The following TENM4 variants were observed in gnomAD, a reference collection of about 807,000 sequenced individuals.
The protein encoded by TENM4 is teneurin-4.
In TENM4, 82 loss-of-function variants were observed where a neutral mutation model predicts 243.3. That is an observed-to-expected ratio of 0.34 (90% CI 0.28 to 0.40). The LOEUF is 0.40. Ranked by LOEUF, TENM4 falls within the 10% of genes least tolerant of loss-of-function variation. TENM4 has a pLI of 1.00. For missense variants in TENM4, 3,138 were observed against 3,673.3 expected (o/e 0.85, Z 3.77); for synonymous variants, 1,412 against 1,456.3 (o/e 0.97, Z 0.69).
intron 1 of TENM4, among the ~76,000 whole-genome samples, chr11:79,389,776 C>T (rs1158131213): frequency 6.6e-6 from 1 of 152,150 alleles, no homozygotes; most frequent in Non-Finnish European, 1.5e-5. Context: ...AGACCTGTGT[C>T]ACAAAAAAGT....
intron 33 of TENM4, among the ~76,000 whole-genome samples, chr11:78,660,032 C>T (rs1565318339): frequency 6.6e-6 from 1 of 152,232 alleles, no homozygotes; most frequent in Non-Finnish European, 1.5e-5. Context: ...ATCAATAATT[C>T]ATTGACAGGC....
chr11:78,810,423 A>G (rs886094521), intron 14 of TENM4, among the ~76,000 whole-genome samples: 4 of 152,026 alleles, frequency 2.6e-5, no homozygotes, highest in Middle Eastern at 3.2e-3. Context: ...CCCACACAAC[A>G]TGGGTGGGAT....
intron 4 of TENM4, among the ~76,000 whole-genome samples, chr11:79,133,516 C>T (rs1282408857): frequency 6.6e-6 from 1 of 152,058 alleles, no homozygotes; most frequent in Non-Finnish European, 1.5e-5. Flanking sequence ...GCCAGCACCA[C>T]CCTAACCCAA....
intron 2 of TENM4, among the ~76,000 whole-genome samples, chr11:79,294,330 A>C (rs541399354): frequency 4.6e-5 from 7 of 152,306 alleles, no homozygotes; most frequent in African/African-American, 1.7e-4. Flanking sequence ...GGCTGAAAGA[A>C]ACAAGGCTAC....
chr11:78,888,911 G>A (rs1436650966), intron 9 of TENM4, among the ~76,000 whole-genome samples: 1 of 152,182 alleles, frequency 6.6e-6, no homozygotes, highest in African/African-American at 2.4e-5. Flanking sequence ...CCCTTCCAAT[G>A]CCTTTACTAA....
chr11:79,440,516 G>C lies in TENM4; in HGVS notation c.-328C>G, dbSNP rs1238954341. ...CGGATCACGCCGCCTTACCGTGGCT[G>C]CAGGCTGCTACCGCCGGGGAAGCGG... On this transcript the variant is annotated 5_prime_UTR_variant, in exon 1 of 34. Transcript: ENST00000278550. The surrounding 1 kb of genome is among the most constrained non-coding windows in gnomAD (Gnocchi z 4.7). 2 of 152,200 alleles carry C rather than the reference G, an allele frequency of 1.3e-5. No homozygotes were observed. The highest frequency in any genetic ancestry group is 2.9e-5 in the Non-Finnish European group (2 of 68,076). 9.4% of individuals were successfully genotyped at this position (152,200 alleles called of 1,614,324 possible). A position where few individuals can be genotyped will look rare whatever the true frequency, so the allele number is the denominator to read the frequency against.
At chr11:79,140,050 C>G (rs1202990410) in intron 4 of TENM4, among the ~76,000 whole-genome samples, 1 of 151,440 alleles carries the variant, frequency 6.6e-6, no homozygotes, top group East Asian at 2.0e-4. Context: ...CTGGACACTC[C>G]TTGTCAGGGC....
At chr11:78,709,375 T>G (rs942181967) in intron 26 of TENM4, among the ~76,000 whole-genome samples, 3 of 152,148 alleles carry the variant, frequency 2.0e-5, no homozygotes, top group African/African-American at 7.2e-5. Flanking sequence ...TTGAATTGAA[T>G]TTCTAAAGGC....
chr11:79,307,451 C>G (rs775959418), intron 1 of TENM4, among the ~76,000 whole-genome samples: 1 of 152,152 alleles, frequency 6.6e-6, no homozygotes, highest in Non-Finnish European at 1.5e-5. Context: ...ATCTTTGAGT[C>G]CTGCTGGTTC....
intron 2 of TENM4, among the ~76,000 whole-genome samples, chr11:79,286,149 T>C (rs1856246522): frequency 6.6e-6 from 1 of 152,100 alleles, no homozygotes; most frequent in Non-Finnish European, 1.5e-5. Context: ...TGAAAGGTGA[T>C]TGTATTTCTG....
At chr11:78,847,156 G>C (rs1276809374) in intron 12 of TENM4, among the ~76,000 whole-genome samples, 1 of 152,210 alleles carries the variant, frequency 6.6e-6, no homozygotes, top group East Asian at 1.9e-4. Context: ...CAAAAAGTGT[G>C]CACCAGAACA....
chr11:79,116,724 A>G (rs1861630257), intron 4 of TENM4, among the ~76,000 whole-genome samples: 1 of 152,218 alleles, frequency 6.6e-6, no homozygotes, highest in Non-Finnish European at 1.5e-5. Context: ...AATCTGTGGG[A>G]GTCCGAAATA....
At chr11:79,169,931 T>C (rs1054656999) in intron 3 of TENM4, among the ~76,000 whole-genome samples, 7 of 152,192 alleles carry the variant, frequency 4.6e-5, no homozygotes, top group East Asian at 1.9e-4. Flanking sequence ...ACAGATTAAT[T>C]TGGAAAAAAT....
chr11:79,425,768 T>G (rs1859035499), intron 1 of TENM4, among the ~76,000 whole-genome samples: 1 of 152,194 alleles, frequency 6.6e-6, no homozygotes, highest in South Asian at 2.1e-4. Context: ...CTCTTTGGTC[T>G]CTGCCTGCCT....
intron 18 of TENM4, among the ~76,000 whole-genome samples, chr11:78,758,594 C>A (rs1036916227): frequency 1.5e-4 from 23 of 152,208 alleles, no homozygotes; most frequent in African/African-American, 5.5e-4. Context: ...AGAAGCTGCC[C>A]ACCAAAGTAC....
At chr11:79,073,217 C>T (rs1206322498) in intron 4 of TENM4, among the ~76,000 whole-genome samples, 5 of 152,180 alleles carry the variant, frequency 3.3e-5, no homozygotes, top group African/African-American at 1.2e-4. Context: ...CCCTGCTGAG[C>T]CTTTGGGGTC....
At chr11:78,962,067 G>A (rs1490522477) in intron 6 of TENM4, 1 of 152,560 alleles carries the variant, frequency 6.6e-6, no homozygotes, top group East Asian at 1.9e-4. Flanking sequence ...CCCGGCAAGT[G>A]GCCCAAGCAG....
intron 1 of TENM4, among the ~76,000 whole-genome samples, chr11:79,332,170 C>G (rs1485929521): frequency 6.6e-6 from 1 of 152,182 alleles, no homozygotes; most frequent in East Asian, 1.9e-4. Context: ...AGCTAGAAAG[C>G]AGCAGAGCTG....
chr11:79,409,060 TTGTGTGTG>T (rs559211499), intron 1 of TENM4, among the ~76,000 whole-genome samples: 4,134 of 141,948 alleles, frequency 0.029, 87 homozygotes, highest in African/African-American at 0.054. Flanking sequence ...GAGGGATATT[TTGTGTGTG>T]TGTGTGTGTG....
Sources: allele counts gnomAD v4.1 joint callset (sites outside exome capture counted in the v4.1 genomes callset), GRCh38; gene constraint gnomAD v4.1.1; non-coding constraint Gnocchi (gnomAD v3.1); transcripts MANE v1.5; gene names NCBI Gene and HGNC (gene_info 2026-07-23, HGNC 2026-07-21).